Variants in RAD51B observed in about 807,000 individuals in gnomAD.
RAD51B encodes the protein DNA repair protein RAD51 homolog 2.
A neutral mutation model predicts 42.2 loss-of-function variants in RAD51B; 38 were observed. The observed-to-expected ratio is 0.90, with a 90% CI of 0.70 to 1.18. RAD51B has a LOEUF of 1.18. Among genes scored for constraint, RAD51B ranks in the 50% most tolerant of loss-of-function variants. The pLI is 0.00. For missense variants in RAD51B, 373 were observed against 400.7 expected (o/e 0.93, Z 0.59); for synonymous variants, 154 against 145.2 (o/e 1.06, Z -0.43).
chr14:67,883,328 CAAA>C (rs77921123), intron 5 of RAD51B, among the ~76,000 whole-genome samples: 2 of 119,848 alleles, frequency 1.7e-5, no homozygotes, highest in Admixed American at 1.7e-4. Flanking sequence ...ACCACTTTAG[CAAA>C]AAAAAAAAAA....
At chr14:68,364,530 T>TC (rs1220243917) in intron 8 of RAD51B, among the ~76,000 whole-genome samples, 3 of 151,988 alleles carry the variant, frequency 2.0e-5, no homozygotes, top group Non-Finnish European at 4.4e-5. Context: ...AGCAGCCCCC[T>TC]CCCCCAGCCC....
chr14:68,436,255 A>G (rs11846851), intron 9 of RAD51B, among the ~76,000 whole-genome samples: 16,812 of 152,180 alleles, frequency 0.11, 1,565 homozygotes, highest in African/African-American at 0.25. Context: ...CAGCTATCCC[A>G]GCACCATGTA....
intron 8 of RAD51B, among the ~76,000 whole-genome samples, chr14:68,341,634 G>A (rs1318785376): frequency 1.3e-5 from 2 of 152,094 alleles, no homozygotes; most frequent in Non-Finnish European, 1.5e-5. Flanking sequence ...GGTTTCATTC[G>A]CAGCAGGTTT....
intron 3 of RAD51B, among the ~76,000 whole-genome samples, chr14:67,829,726 C>T (rs902949626): frequency 5.3e-5 from 8 of 152,074 alleles, no homozygotes; most frequent in Non-Finnish European, 1.0e-4. Context: ...GTATTAGGTA[C>T]TTTGTCAGGC....
At chr14:68,442,934 T>A (rs1336752499) in intron 9 of RAD51B, among the ~76,000 whole-genome samples, 1 of 152,164 alleles carries the variant, frequency 6.6e-6, no homozygotes, top group Non-Finnish European at 1.5e-5. Flanking sequence ...ACCTAAAGAA[T>A]GACCCAGGTT....
At chr14:68,342,042 G>A (rs1221485642) in intron 8 of RAD51B, among the ~76,000 whole-genome samples, 1 of 151,940 alleles carries the variant, frequency 6.6e-6, no homozygotes, top group Non-Finnish European at 1.5e-5. Flanking sequence ...AATTCCCTAG[G>A]TTACAACTAA....
chr14:68,204,298 C>G (rs1362632359), intron 7 of RAD51B, among the ~76,000 whole-genome samples: 1 of 152,094 alleles, frequency 6.6e-6, no homozygotes, highest in Non-Finnish European at 1.5e-5. Context: ...AATAGAGAGG[C>G]CCAAGGAGTG....
At chr14:68,453,647 T>C (rs1481617859) in intron 9 of RAD51B, among the ~76,000 whole-genome samples, 1 of 152,158 alleles carries the variant, frequency 6.6e-6, no homozygotes, top group Non-Finnish European at 1.5e-5. Flanking sequence ...GGATTATGCC[T>C]GCCAGATGGT....
At chr14:67,897,663 T>G (rs2043468025) in intron 7 of RAD51B, among the ~76,000 whole-genome samples, 1 of 151,988 alleles carries the variant, frequency 6.6e-6, no homozygotes, top group Non-Finnish European at 1.5e-5. Context: ...TTTTTTTTTT[T>G]TTTGAGATGG....
chr14:67,980,850 G>A (rs1231531532), intron 7 of RAD51B, among the ~76,000 whole-genome samples: 2 of 152,044 alleles, frequency 1.3e-5, no homozygotes, highest in African/African-American at 2.4e-5. Context: ...ATATGCCTCC[G>A]AAAGCACAAC....
intron 8 of RAD51B, among the ~76,000 whole-genome samples, chr14:68,370,300 G>T (rs575274280): frequency 5.3e-4 from 81 of 152,254 alleles, no homozygotes; most frequent in African/African-American, 1.9e-3. Context: ...TTACCAAAGG[G>T]CAACTGATCC....
At chr14:68,656,417 C>T (rs149443846) in intron 11 of RAD51B, among the ~76,000 whole-genome samples, 1 of 145,930 alleles carries the variant, frequency 6.9e-6, no homozygotes, top group Non-Finnish European at 1.5e-5. Flanking sequence ...TCTTCTCCCC[C>T]TTTTCTCAAT....
chr14:68,235,250 G>T (rs1009459552), intron 7 of RAD51B, among the ~76,000 whole-genome samples: 12 of 151,930 alleles, frequency 7.9e-5, no homozygotes, highest in Admixed American at 3.9e-4. Context: ...CATTAGGACA[G>T]CTACAGTGTC....
intron 8 of RAD51B, among the ~76,000 whole-genome samples, chr14:68,321,057 C>G (rs532480606): frequency 6.6e-6 from 1 of 152,238 alleles, no homozygotes; most frequent in South Asian, 2.1e-4. Flanking sequence ...TCTCCAAGTC[C>G]CCATTGTGCC....
At chr14:68,194,799 T>A (rs1402615702) in intron 7 of RAD51B, among the ~76,000 whole-genome samples, 1 of 152,214 alleles carries the variant, frequency 6.6e-6, no homozygotes, top group Non-Finnish European at 1.5e-5. Context: ...AATACTTTTA[T>A]AGTATGATTA....
chr14:67,844,891 G>GT (rs2140315884), intron 4 of RAD51B, among the ~76,000 whole-genome samples: 1 of 152,132 alleles, frequency 6.6e-6, no homozygotes, highest in African/African-American at 2.4e-5. Flanking sequence ...ATCTTTAGTG[G>GT]TTTAAAGTCG....
chr14:68,263,742 TG>T (rs2080931877), intron 7 of RAD51B, among the ~76,000 whole-genome samples: 1 of 152,210 alleles, frequency 6.6e-6, no homozygotes, highest in South Asian at 2.1e-4. Flanking sequence ...GTAAGGCCTA[TG>T]TTCTTTCATA....
chr14:67,967,426 T>C (rs2074803042), intron 7 of RAD51B, among the ~76,000 whole-genome samples: 1 of 152,190 alleles, frequency 6.6e-6, no homozygotes, highest in Non-Finnish European at 1.5e-5. Flanking sequence ...CAAAGTGTCA[T>C]CTGAGACAAG....
intron 7 of RAD51B, among the ~76,000 whole-genome samples, chr14:68,175,464 T>C (rs1158197624): frequency 1.3e-5 from 2 of 152,168 alleles, no homozygotes; most frequent in Non-Finnish European, 2.9e-5. Flanking sequence ...CTCACAAGCA[T>C]AGCTGGCTGG....
Sources: gnomAD v4.1 joint callset for allele counts (sites outside exome capture counted in the v4.1 genomes callset) on GRCh38, gnomAD v4.1.1 for gene constraint, MANE v1.5 for transcripts, NCBI Gene and HGNC (gene_info 2026-07-23, HGNC 2026-07-21) for gene names.